Variants in TMCO4 observed in about 807,000 individuals in gnomAD.
TMCO4 encodes the protein transmembrane and coiled-coil domain-containing protein 4.
In TMCO4, 58 loss-of-function variants were observed where a neutral mutation model predicts 64.7. That is an observed-to-expected ratio of 0.90 (90% CI 0.73 to 1.12). The LOEUF (loss-of-function observed/expected upper bound fraction) is 1.12, where lower values mean the gene tolerates loss of function less well. Among genes scored for constraint, TMCO4 ranks in the 50% most tolerant of loss-of-function variants. TMCO4 has a pLI of 0.00. For synonymous variants in TMCO4, 325 were observed against 346.1 expected, an observed-to-expected ratio of 0.94 and a Z score of 0.68; for missense variants, 780 against 825.9, an observed-to-expected ratio of 0.94 and a Z score of 0.68.
intron 4 of TMCO4, among the ~76,000 whole-genome samples, chr1:19,779,408 C>T (rs565689247): frequency 1.3e-3 from 192 of 152,266 alleles, no homozygotes; most frequent in African/African-American, 4.0e-3. Context: ...TGGATGACTC[C>T]GTTGGCCTCC....
chr1:19,793,763 G>T (rs906183864), intron 2 of TMCO4, among the ~76,000 whole-genome samples: 1 of 152,162 alleles, frequency 6.6e-6, no homozygotes, highest in Non-Finnish European at 1.5e-5. Context: ...CATTGGGGTG[G>T]ATACCCAGGC....
In TMCO4 at chr1:19,731,917, G is replaced by C. The variant is rs1432947518; in HGVS notation, c.1264+5455C>G. Among the ~76,000 whole-genome samples the C allele has an allele frequency of 2.0e-5, 3 of 152,082 alleles. No individual in the cohort carries two copies. In the East Asian group the frequency reaches 5.8e-4, roughly 29 times the overall value. The stretch of plus-strand genomic sequence containing the variant: ...ACTCCCCATTTCTATGAACCATCAG[G>C]AATTCCCTTACACTCTGGAAAGAAA... On this transcript the variant is annotated intron_variant, in intron 13 of 15. Transcript: ENST00000294543.
rs2095113942 is a variant in TMCO4 at position 19,682,992 on chromosome 1, G to A, written c.*48C>T. 6.6e-7 allele frequency: 1 copy of A among 1,525,718 alleles called. No homozygotes were observed. Among genetic ancestry groups the A allele is most frequent in the Admixed American group, 2.2e-5 (1 of 45,026 alleles). 94.5% of individuals were successfully genotyped at this position (1,525,718 alleles called of 1,614,324 possible). A position where few individuals can be genotyped will look rare whatever the true frequency, so the allele number is the denominator to read the frequency against. ...GGGAGGAACCCGAGGGTATAAGAGA[G>A]AGCTGCATATGGAGACTGGGGAAGA... On this transcript the variant is annotated 3_prime_UTR_variant, in exon 16 of 16. Coordinates refer to ENST00000294543, the MANE Select transcript of TMCO4 (RefSeq NM_181719.7).
At chr1:19,766,300 C>T (rs779195904) in intron 6 of TMCO4, among the ~76,000 whole-genome samples, 8 of 152,324 alleles carry the variant, frequency 5.3e-5, no homozygotes, top group Non-Finnish European at 1.0e-4. Context: ...GGACAACTGG[C>T]CCATCCACGA....
At chr1:19,756,698 C>T (rs542810600) in intron 6 of TMCO4, among the ~76,000 whole-genome samples, 25 of 152,056 alleles carry the variant, frequency 1.6e-4, no homozygotes, top group African/African-American at 5.5e-4. Flanking sequence ...GAATTTATGG[C>T]TAAGATAATT....
chr1:19,774,976 G>A (rs563071701), intron 4 of TMCO4, among the ~76,000 whole-genome samples: 12 of 152,234 alleles, frequency 7.9e-5, no homozygotes, highest in African/African-American at 1.9e-4. Flanking sequence ...CACCATGCAC[G>A]GGCCACTCAC....
chr1:19,763,348 T>A (rs960643948), intron 6 of TMCO4, among the ~76,000 whole-genome samples: 39 of 152,160 alleles, frequency 2.6e-4, no homozygotes, highest in African/African-American at 9.2e-4. Flanking sequence ...GTGCTGGGAT[T>A]GTTACAGGCG....
At chr1:19,724,430 A>G (rs1011883097) in intron 13 of TMCO4, among the ~76,000 whole-genome samples, 1 of 152,192 alleles carries the variant, frequency 6.6e-6, no homozygotes, top group African/African-American at 2.4e-5. Flanking sequence ...CCGATGACAG[A>G]GGGCAGAATG....
At chr1:19,762,006 T>A (rs1202196197) in intron 6 of TMCO4, among the ~76,000 whole-genome samples, 1 of 152,354 alleles carries the variant, frequency 6.6e-6, no homozygotes, top group Non-Finnish European at 1.5e-5. Context: ...GTTGTCACTA[T>A]GATGCCGCAT....
At chr1:19,698,972 G>A (rs1024382259) in intron 14 of TMCO4, among the ~76,000 whole-genome samples, 3 of 152,192 alleles carry the variant, frequency 2.0e-5, no homozygotes, top group African/African-American at 7.2e-5. Flanking sequence ...TGAGACGGGT[G>A]GATCACGAGG....
chr1:19,717,135 G>A (rs907360469), intron 13 of TMCO4, among the ~76,000 whole-genome samples: 2 of 152,182 alleles, frequency 1.3e-5, no homozygotes, highest in African/African-American at 4.8e-5. Flanking sequence ...GCAGTGACCC[G>A]AGATTGTGCC....
intron 13 of TMCO4, among the ~76,000 whole-genome samples, chr1:19,707,235 G>C (rs531893300): frequency 1.6e-4 from 25 of 152,296 alleles, no homozygotes; most frequent in Admixed American, 1.6e-3. Flanking sequence ...GAGCTGTTTG[G>C]GTCATGGGGG....
At chr1:19,745,751 C>A in intron 9 of TMCO4, 100 bp from the exon 10 acceptor site, 1 of 1,431,144 alleles carries the variant, frequency 7.0e-7, no homozygotes, top group East Asian at 2.4e-5. Context: ...TGAGCACCAT[C>A]TGTGTGCCCT....
Position 19,770,531 on chromosome 1 carries a change from A to G in TMCO4, c.382+11T>C. 1 of 1,613,908 alleles carries G rather than the reference A, an allele frequency of 6.2e-7. No individual in the cohort carries two copies. The highest frequency in any genetic ancestry group is 1.1e-5 in the South Asian group (1 of 91,070). On this transcript the variant is annotated intron_variant, in intron 6 of 15. Coordinates refer to ENST00000294543, the MANE Select transcript of TMCO4 (RefSeq NM_181719.7). Reference sequence around the variant, plus strand: ...TACCCACCATTTACAGAGCTTAGAAAATCAACTTACCATCCTTGAGTGAGA... The same window carrying G: ...TACCCACCATTTACAGAGCTTAGAAGATCAACTTACCATCCTTGAGTGAGA...
Position 19,745,670 on chromosome 1 carries a change from G to T in TMCO4, c.758-19C>A. The T allele has an allele frequency of 6.3e-7, 1 of 1,593,798 alleles. No homozygotes were observed. On this transcript the variant is annotated intron_variant, in intron 9 of 15. Coordinates refer to ENST00000294543, the MANE Select transcript of TMCO4 (RefSeq NM_181719.7). ...TTGTATCCTAAAGACCCAGATCCGAGAAAGAGAATGGAGGTGACTGGGGCC... is the reference window on the plus strand; with the variant it reads ...TTGTATCCTAAAGACCCAGATCCGATAAAGAGAATGGAGGTGACTGGGGCC...
At position 19,780,723 on chromosome 1, in the gene TMCO4, A is replaced by C. The variant is rs558893097; in HGVS notation, c.36T>G (p.Pro12=). 6.2e-7 allele frequency: 1 copy of C among 1,606,054 alleles called. No individual in the cohort carries two copies. Among genetic ancestry groups the C allele is most frequent in the Non-Finnish European group, 8.5e-7 (1 of 1,178,066 alleles). The change falls in exon 4 of 16, where the codon CCT becomes CCG. Residue 12 remains proline (P), a synonymous_variant. Transcript: ENST00000294543. ...TGGGCTCAGCTACCAGAGGCTGCTG[A>C]GGCAGCCTCTGGCATGGCCTGTTCC... is the stretch of plus-strand genomic sequence containing the variant. The part of the protein sequence containing the change: ...AMWNRPCQRL[P]QQPLVAEPTA...
Position 19,737,437 on chromosome 1 carries a change from A to G in TMCO4, c.1199T>C (p.Leu400Ser), listed in dbSNP as rs1437624206. Reference protein sequence around the residue: ...SRQQGRRPVTLIGFSLGARVI... With the variant: ...SRQQGRRPVTSIGFSLGARVI... Reference sequence around the variant, plus strand: ...TCTGGCTCCCAGGCTGAAGCCAATCAAGGTGACAGGTCGTCGCCCCTGAAG... The same window carrying G: ...TCTGGCTCCCAGGCTGAAGCCAATCGAGGTGACAGGTCGTCGCCCCTGAAG... Residue 400 changes from leucine (L) to serine (S), a missense_variant, in exon 13 of 16, where the codon TTG (leucine) becomes TCG (serine). Coordinates refer to ENST00000294543, the MANE Select transcript of TMCO4 (RefSeq NM_181719.7). 1 of 1,614,012 alleles carries G rather than the reference A, an allele frequency of 6.2e-7. No homozygotes were observed. Among genetic ancestry groups the G allele is most frequent in the East Asian group, 2.2e-5 (1 of 44,876 alleles).
chr1:19,723,705 T>A (rs1028090006), intron 13 of TMCO4, among the ~76,000 whole-genome samples: 4 of 152,132 alleles, frequency 2.6e-5, no homozygotes, highest in Non-Finnish European at 5.9e-5. Context: ...CACCTGTAAA[T>A]TGAAGGTTTG....
intron 15 of TMCO4, among the ~76,000 whole-genome samples, chr1:19,690,395 G>A (rs984797019): frequency 3.3e-5 from 5 of 152,172 alleles, no homozygotes; most frequent in East Asian, 1.9e-4. Context: ...GCACACTAAC[G>A]CCCCCTCTGG....
Sources: allele counts gnomAD v4.1 joint callset (sites outside exome capture counted in the v4.1 genomes callset), GRCh38; gene constraint gnomAD v4.1.1; transcripts MANE v1.5; gene names NCBI Gene and HGNC (gene_info 2026-07-23, HGNC 2026-07-21).